Variants in PRKRIP1 observed in about 807,000 individuals in gnomAD.
PRKRIP1 encodes the protein PRKR interacting protein 1.
PRKRIP1 carries 29 observed loss-of-function variants against 29.3 expected under a neutral mutation model. The ratio of observed to expected loss-of-function variants is 0.99; its 90% CI spans 0.74 to 1.35. The LOEUF is 1.35. Ranked by LOEUF, PRKRIP1 falls within the 40% of genes most tolerant of loss-of-function variation. PRKRIP1 has a pLI of 0.00. For missense variants in PRKRIP1, 247 were observed against 236.8 expected (o/e 1.04, Z -0.28); for synonymous variants, 90 against 85.1 (o/e 1.06, Z -0.32).
intron 5 of PRKRIP1, among the ~76,000 whole-genome samples, chr7:102,415,872 G>A (rs1361328241): frequency 1.3e-5 from 2 of 152,222 alleles, no homozygotes; most frequent in Middle Eastern, 3.2e-3. Context: ...TGGCCCTCAC[G>A]GTCTGGCCCC....
intron 3 of PRKRIP1, 151 bp from the exon 4 acceptor site, chr7:102,404,447 C>G (rs1257295880): frequency 1.5e-6 from 1 of 668,434 alleles, no homozygotes; most frequent in East Asian, 2.5e-5. Context: ...CTGGGACAGC[C>G]TTTTAAAGTT....
chr7:102,399,412 T>C, intron 2 of PRKRIP1, 136 bp from the exon 3 acceptor site: 1 of 689,022 alleles, frequency 1.5e-6, no homozygotes, highest in Non-Finnish European at 2.6e-6. Flanking sequence ...GGGCCAGTTC[T>C]GGATACAGTG....
intron 5 of PRKRIP1, among the ~76,000 whole-genome samples, chr7:102,421,493 C>T (rs1796692284): frequency 6.7e-6 from 1 of 148,926 alleles, no homozygotes; most frequent in Non-Finnish European, 1.5e-5. Context: ...GGTGACAGAG[C>T]GGAAACCCTG....
chr7:102,414,510 C>T (rs1554572852), intron 5 of PRKRIP1, among the ~76,000 whole-genome samples: 3 of 152,294 alleles, frequency 2.0e-5, no homozygotes, highest in South Asian at 2.1e-4. Flanking sequence ...TTTTATGAAA[C>T]AGTAGATTGA....
intron 5 of PRKRIP1, chr7:102,423,362 C>G: frequency 2.7e-6 from 1 of 363,830 alleles, no homozygotes; most frequent in South Asian, 2.0e-5. Context: ...GATCCATCCA[C>G]CTCGGCCTCC....
At chr7:102,423,980 A>C (rs1554574139) in intron 5 of PRKRIP1, among the ~76,000 whole-genome samples, 1 of 152,246 alleles carries the variant, frequency 6.6e-6, no homozygotes, top group African/African-American at 2.4e-5. Context: ...TGAACTTTCA[A>C]AGCTAATCAT....
At chr7:102,422,952 T>C in intron 5 of PRKRIP1, 1 of 308,562 alleles carries the variant, frequency 3.2e-6, no homozygotes, top group African/African-American at 2.2e-5. Context: ...GAAACACATT[T>C]GGTCCCGAGC....
chr7:102,397,793 C>T (rs1795953561), intron 2 of PRKRIP1, 95 bp downstream of exon 2: 2 of 1,190,288 alleles, frequency 1.7e-6, no homozygotes, highest in Non-Finnish European at 2.4e-6. Context: ...TGCCTCTAAT[C>T]CCAGCACTTT....
chr7:102,424,634 G>A (rs2133208820), intron 5 of PRKRIP1, among the ~76,000 whole-genome samples: 1 of 152,350 alleles, frequency 6.6e-6, no homozygotes, highest in South Asian at 2.1e-4. Flanking sequence ...ACGGCAGTGA[G>A]AACTTGAGAC....
rs550207934 is a variant in PRKRIP1 at position 102,409,765 on chromosome 7, A to G, written c.457+2267A>G. Among the ~76,000 whole-genome samples the G allele has an allele frequency of 2.1e-3, 320 of 152,226 alleles. 2 individuals are homozygous for G. Among genetic ancestry groups the G allele is most frequent in the Non-Finnish European group, 3.6e-3 (247 of 68,004 alleles). On this transcript the variant is annotated intron_variant, in intron 5 of 5. Transcript: ENST00000397912. Reference sequence around the variant, plus strand: ...CCTGAGCCCAGGAGGTCAAGGCTGCAGTGAGCCATGATTGTGCCACTGCAC... The same window carrying G: ...CCTGAGCCCAGGAGGTCAAGGCTGCGGTGAGCCATGATTGTGCCACTGCAC...
At chr7:102,423,726 A>C (rs1446744872) in intron 5 of PRKRIP1, among the ~76,000 whole-genome samples, 3 of 152,098 alleles carry the variant, frequency 2.0e-5, no homozygotes, top group Non-Finnish European at 4.4e-5. Flanking sequence ...ATCTGTGCCC[A>C]GGCTGCCGTG....
At chr7:102,418,425 A>G (rs1796609998) in intron 5 of PRKRIP1, among the ~76,000 whole-genome samples, 1 of 152,148 alleles carries the variant, frequency 6.6e-6, no homozygotes, top group African/African-American at 2.4e-5. Context: ...GTTCTGTGCT[A>G]CTGGATGGTT....
intron 5 of PRKRIP1, among the ~76,000 whole-genome samples, chr7:102,413,693 C>T (rs1056952380): frequency 6.6e-6 from 1 of 152,076 alleles, no homozygotes; most frequent in Non-Finnish European, 1.5e-5. Flanking sequence ...AATATATAAG[C>T]CTTATTTCTA....
rs782107259 is a variant in PRKRIP1, at chr7:102,399,636, C to T, written c.294C>T (p.Ala98=). Residue 98 remains alanine, a synonymous_variant, in exon 3 of 6, where the codon GCC becomes GCT. Coordinates refer to ENST00000397912, the MANE Select transcript of PRKRIP1 (RefSeq NM_024653.4). ...REYQRQDYMD[A]MAEKQKLDAE... ...ATCAGCGACAGGACTACATGGATGCCATGGCTGAGAAGGTCAGTGAGCCAG... is the reference window on the plus strand; with the variant it reads ...ATCAGCGACAGGACTACATGGATGCTATGGCTGAGAAGGTCAGTGAGCCAG... 6.2e-6 allele frequency: 10 copies of T among 1,613,194 alleles called. No homozygotes were observed. In the African/African-American group the frequency reaches 1.1e-4, roughly 17 times the overall value.
intron 5 of PRKRIP1, among the ~76,000 whole-genome samples, chr7:102,412,073 G>T (rs1429203713): frequency 2.0e-5 from 3 of 151,830 alleles, no homozygotes; most frequent in Admixed American, 6.6e-5. Flanking sequence ...AGTAGAGATG[G>T]TGTTTCACCA....
chr7:102,407,636 G>C, intron 5 of PRKRIP1, 138 bp downstream of exon 5: 1 of 651,966 alleles, frequency 1.5e-6, no homozygotes, highest in South Asian at 1.9e-5. Flanking sequence ...ATTCATATTA[G>C]CTAGGACCCA....
intron 5 of PRKRIP1, among the ~76,000 whole-genome samples, chr7:102,415,850 C>T (rs1361404349): frequency 6.6e-6 from 1 of 152,268 alleles, no homozygotes; most frequent in Non-Finnish European, 1.5e-5. Context: ...CTGTCAGCAG[C>T]CCCAGTGTTC....
chr7:102,418,549 C>G (rs1202053647), intron 5 of PRKRIP1, among the ~76,000 whole-genome samples: 1 of 152,140 alleles, frequency 6.6e-6, no homozygotes, highest in Non-Finnish European at 1.5e-5. Flanking sequence ...CCATATTACA[C>G]TAACATGAGT....
In PRKRIP1 at chr7:102,407,525, G is replaced by A. The variant is rs782705379; in HGVS notation, c.457+27G>A. On this transcript the variant is annotated intron_variant, in intron 5 of 5. Transcript: ENST00000397912. ...TGAGTGGTGCCCACTTTTCTTGGCT[G>A]TAGCTTCTTTCTTCTTGTTGGTCAC... 18 of 1,554,360 alleles carry A rather than the reference G, an allele frequency of 1.2e-5. No homozygotes were observed. The South Asian group carries it at 1.9e-4, about 16-fold the overall frequency.
Sources: allele counts gnomAD v4.1 joint callset (sites outside exome capture counted in the v4.1 genomes callset), GRCh38; gene constraint gnomAD v4.1.1; transcripts MANE v1.5; gene names NCBI Gene and HGNC (gene_info 2026-07-23, HGNC 2026-07-21).